The following LAMC3 variants were observed in gnomAD, a reference collection of about 807,000 sequenced individuals.
LAMC3 encodes laminin subunit gamma 3, also known as laminin subunit gamma-3.
A neutral mutation model predicts 173.8 loss-of-function variants in LAMC3; 128 were observed. The ratio of observed to expected loss-of-function variants is 0.74; its 90% CI spans 0.64 to 0.85. The LOEUF is 0.85. Ranked by LOEUF, LAMC3 falls within the 40% of genes least tolerant of loss-of-function variation. The probability of loss-of-function intolerance (pLI) is 0.00; values close to 1 mark genes in which losing one functional copy is unlikely to be tolerated. For synonymous variants in LAMC3, 897 were observed against 909.1 expected (o/e 0.99, Z 0.24); for missense variants, 2,022 against 2,156.0 (o/e 0.94, Z 1.23).
chr9:131,091,178 C>T (rs1411706221), intron 27 of LAMC3, among the ~76,000 whole-genome samples: 2 of 152,224 alleles, frequency 1.3e-5, no homozygotes, highest in East Asian at 3.8e-4. Context: ...CCAGCATGTT[C>T]AAGCTGGCAA....
At chr9:131,072,282 G>C (rs1309883577) in intron 18 of LAMC3, among the ~76,000 whole-genome samples, 1 of 152,192 alleles carries the variant, frequency 6.6e-6, no homozygotes, top group East Asian at 1.9e-4. Context: ...TGTGGAAATA[G>C]GGGCTATCAG....
intron 8 of LAMC3, among the ~76,000 whole-genome samples, chr9:131,048,112 A>G (rs1834208935): frequency 7.9e-6 from 1 of 126,222 alleles, no homozygotes; most frequent in Non-Finnish European, 1.6e-5. Context: ...GCTGGAGTGC[A>G]GTGGCACAAT....
intron 3 of LAMC3, among the ~76,000 whole-genome samples, chr9:131,034,877 C>T (rs1033595897): frequency 1.3e-5 from 2 of 152,214 alleles, no homozygotes; most frequent in African/African-American, 2.4e-5. Context: ...GGCCACAGGC[C>T]GGGGCTGCTC....
intron 27 of LAMC3, among the ~76,000 whole-genome samples, chr9:131,089,502 G>A (rs1477561096): frequency 6.6e-6 from 1 of 150,834 alleles, no homozygotes; most frequent in African/African-American, 2.4e-5. Flanking sequence ...TTCAGCCTTC[G>A]AAGTAGCTGG....
chr9:131,069,900 C>T, intron 17 of LAMC3, 50 bp downstream of exon 17: 2 of 1,526,606 alleles, frequency 1.3e-6, no homozygotes. Flanking sequence ...GTATTCCCAG[C>T]AAGTGCCAGC....
At chr9:131,091,277 A>G (rs1280757974) in intron 27 of LAMC3, among the ~76,000 whole-genome samples, 1 of 152,252 alleles carries the variant, frequency 6.6e-6, no homozygotes, top group Admixed American at 6.5e-5. Context: ...TTTTTTAACA[A>G]TAATAGTAAA....
chr9:131,016,947 A>AT (rs764477203), intron 1 of LAMC3, among the ~76,000 whole-genome samples: 2 of 152,084 alleles, frequency 1.3e-5, no homozygotes, highest in African/African-American at 2.4e-5. Flanking sequence ...TTTTTTTTTA[A>AT]AAAGCACCCG....
rs766522732 is a variant in LAMC3 at position 131,075,955 on chromosome 9, C to T, written c.3619C>T (p.Leu1207=). The T allele has an allele frequency of 1.9e-5, 30 of 1,608,366 alleles. No individual in the cohort carries two copies. The South Asian group carries it at 3.3e-4, about 18-fold the overall frequency. The part of the protein sequence containing the change: ...GRVALETQRD[L]EDRYQEVQAA... Reference sequence around the variant, plus strand: ...GGTGGCCCTAGAGACCCAGCGGGACCTGGAGGACAGGTGAGGCCTCCCCAG... The same window carrying T: ...GGTGGCCCTAGAGACCCAGCGGGACTTGGAGGACAGGTGAGGCCTCCCCAG... Residue 1207 remains leucine (L), a synonymous_variant, in exon 21 of 28, where the codon CTG becomes TTG. Coordinates refer to ENST00000361069, the MANE Select transcript of LAMC3 (RefSeq NM_006059.4).
rs761884926 is a variant in LAMC3, at chr9:131,091,555, A to G, written c.4496A>G (p.Gln1499Arg). 4 of 1,585,478 alleles carry G rather than the reference A, an allele frequency of 2.5e-6. No homozygotes were observed. In the East Asian group the frequency reaches 6.9e-5, roughly 27 times the overall value. ...LARLGSLDTH[Q>R]APAQALNETQ... ...ACCACAGGGTCGCTGGACACCCATC[A>G]AGCCCCAGCCCAGGCCCTGAACGAG... The change falls in exon 28 of 28, where the codon CAA becomes CGA. Residue 1499 changes from glutamine (Q) to arginine (R), a missense_variant. Coordinates refer to ENST00000361069, the MANE Select transcript of LAMC3 (RefSeq NM_006059.4).
chr9:131,052,893 T>G lies in LAMC3; in HGVS notation c.1867T>G (p.Phe623Val). The G allele has an allele frequency of 6.2e-7, 1 of 1,607,578 alleles. No homozygotes were observed. The highest frequency in any genetic ancestry group is 8.5e-7 in the Non-Finnish European group (1 of 1,178,282). ...SEDVAPPLPP[F>V]HFQRLLANLT... Reference sequence around the variant, plus strand: ...GGACGTGGCCCCTCCACTGCCCCCCTTCCACTTCCAGCGGCTCCTCGCCAA... The same window carrying G: ...GGACGTGGCCCCTCCACTGCCCCCCGTCCACTTCCAGCGGCTCCTCGCCAA... Residue 623 changes from phenylalanine to valine, a missense_variant, in exon 11 of 28, where the codon TTC becomes GTC. Phe to Val is a conservative substitution (Grantham distance 50). Transcript: ENST00000361069.
chr9:131,068,103 G>T lies in LAMC3; in HGVS notation c.2619G>T (p.Ser873=). ...CMPCSCHPQG[S]VSEQMPCDPV... The stretch of plus-strand genomic sequence containing the variant: ...CTTGCAGCTGTCACCCACAGGGCTC[G>T]GTCAGTGAGCAGATGCCCTGCGACC... Residue 873 remains serine, a synonymous_variant, in exon 15 of 28, where the codon TCG becomes TCT. Transcript: ENST00000361069. 1 of 1,612,206 alleles carries T rather than the reference G, an allele frequency of 6.2e-7. No individual in the cohort carries two copies. The highest frequency in any genetic ancestry group is 8.5e-7 in the Non-Finnish European group (1 of 1,180,000).
chr9:131,046,647 C>T (rs1291867171), intron 8 of LAMC3, among the ~76,000 whole-genome samples: 1 of 145,784 alleles, frequency 6.9e-6, no homozygotes, highest in Non-Finnish European at 1.5e-5. Context: ...TTATGAGTGT[C>T]CGCGCCCAGC....
Position 131,061,186 on chromosome 9 carries a change from G to A in LAMC3, c.2310G>A (p.Arg770=), listed in dbSNP as rs1252739932. ...CCTGTACGACCATCCCAGAGAGCCG[G>A]GAGGTGGTGTGTACCCACTGCCCCC... ...QSACTTIPES[R]EVVCTHCPPG... Residue 770 remains arginine (R), a synonymous_variant, in exon 13 of 28, where the codon CGG becomes CGA. Transcript: ENST00000361069. 6.2e-7 allele frequency: 1 copy of A among 1,610,240 alleles called. No homozygotes were observed. The highest frequency in any genetic ancestry group is 8.5e-7 in the Non-Finnish European group (1 of 1,179,916).
chr9:131,033,043 G>A (rs1403522150), intron 3 of LAMC3, among the ~76,000 whole-genome samples: 1 of 152,028 alleles, frequency 6.6e-6, no homozygotes. Context: ...CCTGGTCCTG[G>A]TCCTGGTCCT....
rs553195405 is a variant in LAMC3, at chr9:131,069,139, G to A, written c.2890+89G>A. 2.3e-5 allele frequency: 32 copies of A among 1,417,738 alleles called. No individual in the cohort carries two copies. In the East Asian group the frequency reaches 3.2e-4, roughly 14 times the overall value. The allele number at this position is 1,417,738 out of a possible 1,614,324, so 87.8% of individuals were successfully genotyped here. A position where few individuals can be genotyped will look rare whatever the true frequency, so the allele number is the denominator to read the frequency against. On this transcript the variant is annotated intron_variant, in intron 16 of 27. Coordinates refer to ENST00000361069, the MANE Select transcript of LAMC3 (RefSeq NM_006059.4). ...ATGACTGATGGGGAAAATGGGCGCAGCAGGAAAGGATCGTCAGACATGGGA... is the reference window on the plus strand; with the variant it reads ...ATGACTGATGGGGAAAATGGGCGCAACAGGAAAGGATCGTCAGACATGGGA...
At chr9:131,039,670 T>TGGAGAGG (rs1834011462) in intron 6 of LAMC3, among the ~76,000 whole-genome samples, 1 of 150,378 alleles carries the variant, frequency 6.6e-6, no homozygotes, top group Non-Finnish European at 1.5e-5. Context: ...GGTTTGACTG[T>TGGAGAGG]GGAGAGGGAG....
intron 12 of LAMC3, 39 bp downstream of exon 12, chr9:131,057,186 A>T (rs1443252643): frequency 6.4e-7 from 1 of 1,570,160 alleles, no homozygotes. Context: ...CACCTGGGTT[A>T]TACCCAAAAC....
At chr9:131,088,297 T>G (rs780746573) in intron 27 of LAMC3, among the ~76,000 whole-genome samples, 5 of 152,148 alleles carry the variant, frequency 3.3e-5, no homozygotes, top group Non-Finnish European at 7.4e-5. Context: ...ACTCCACCTC[T>G]CTGAGCCTCA....
At chr9:131,048,621 G>A (rs10901329) in intron 8 of LAMC3, among the ~76,000 whole-genome samples, 89,251 of 151,768 alleles carry the variant, frequency 0.59, 27,246 homozygotes, top group African/African-American at 0.76. Flanking sequence ...CTGGGCTCCC[G>A]TCGTGGCTGG....
Sources: gnomAD v4.1 joint callset for allele counts (sites outside exome capture counted in the v4.1 genomes callset) on GRCh38, gnomAD v4.1.1 for gene constraint, MANE v1.5 for transcripts, NCBI Gene and HGNC (gene_info 2026-07-23, HGNC 2026-07-21) for gene names.